Variants in MIA3 observed in about 807,000 individuals in gnomAD.
MIA3 encodes transport and Golgi organization protein 1 homolog.
A neutral mutation model predicts 192.4 loss-of-function variants in MIA3; 90 were observed. The ratio of observed to expected loss-of-function variants is 0.47; its 90% CI spans 0.39 to 0.56. MIA3 has a LOEUF of 0.56. Among genes scored for constraint, MIA3 ranks in the 20% least tolerant of loss-of-function variants. The pLI is 0.00. For missense variants in MIA3, 2,123 were observed against 2,269.4 expected, an observed-to-expected ratio of 0.94 and a Z score of 1.31; for synonymous variants, 740 against 792.8, an observed-to-expected ratio of 0.93 and a Z score of 1.12.
intron 2 of MIA3, among the ~76,000 whole-genome samples, chr1:222,622,554 AAAC>A (rs1485138611): frequency 1.3e-5 from 2 of 152,202 alleles, no homozygotes; most frequent in East Asian, 1.9e-4. Flanking sequence ...TAATCTTGGG[AAAC>A]AACAACTGGT....
At chr1:222,640,472 G>A (rs1662804180) in intron 6 of MIA3, among the ~76,000 whole-genome samples, 1 of 152,144 alleles carries the variant, frequency 6.6e-6, no homozygotes, top group African/African-American at 2.4e-5. Flanking sequence ...ATACATGTAT[G>A]ACAGTGGACT....
At position 222,658,756 on chromosome 1, in the gene MIA3, A is replaced by G. The variant is rs188918854; in HGVS notation, c.4642A>G (p.Arg1548Gly). 143 of 1,612,866 alleles carry G rather than the reference A, an allele frequency of 8.9e-5. 1 individual carries two copies. In the East Asian group the frequency reaches 2.0e-3, roughly 22 times the overall value. ...TCAAGAAGAGTATGAACGGCAAGAA[A>G]GAGAGCACAGGCTGTCAGCTGCAGA... ...LSQEEYERQE[R>G]EHRLSAADEK... The change falls in exon 19 of 28, where the codon AGA becomes GGA. Residue 1548 changes from arginine (R) to glycine (G), a missense_variant. This residue lies in a region of MIA3 where 762 missense variants were observed against 856.4 expected (regional missense o/e 0.89). Coordinates refer to ENST00000344922, the MANE Select transcript of MIA3 (RefSeq NM_198551.4).
chr1:222,644,218 C>T (rs1571886152), intron 6 of MIA3: 4 of 1,146,248 alleles, frequency 3.5e-6, no homozygotes, highest in East Asian at 7.3e-5. Context: ...CCCGTCCCCT[C>T]GATAGTTGGT....
At chr1:222,640,644 A>C (rs1332284615) in intron 6 of MIA3, among the ~76,000 whole-genome samples, 1 of 152,184 alleles carries the variant, frequency 6.6e-6, no homozygotes, top group Admixed American at 6.5e-5. Context: ...AAACCCTAAA[A>C]CCATAAAACT....
intron 8 of MIA3, chr1:222,649,889 A>T (rs751715171): frequency 1.4e-5 from 3 of 212,162 alleles, no homozygotes; most frequent in Non-Finnish European, 2.9e-5. Flanking sequence ...TTTTACTCAC[A>T]GCAGAAGGCA....
rs558240872 is a variant in MIA3 at position 222,635,575 on chromosome 1, C to A, written c.3477+2326C>A. 1.4e-4 allele frequency among the ~76,000 whole-genome samples: 21 copies of A among 152,254 alleles called. No individual in the cohort carries two copies. The East Asian group carries it at 4.0e-3, about 29-fold the overall frequency. On this transcript the variant is annotated intron_variant, in intron 6 of 27. Coordinates refer to ENST00000344922, the MANE Select transcript of MIA3 (RefSeq NM_198551.4). ...GTCTTCAAAAAAAGTTTACCAAATA[C>A]ATGTGAAAATTGGAGAAAGTGGAGA...
intron 11 of MIA3, among the ~76,000 whole-genome samples, chr1:222,651,746 C>G (rs17011681): frequency 0.57 from 86,361 of 151,912 alleles, 27,744 homozygotes; most frequent in Non-Finnish European, 0.72. Context: ...ACATTTTATT[C>G]TAACCAGGAA....
intron 27 of MIA3, chr1:222,664,777 G>A (rs1664193494): frequency 4.1e-6 from 1 of 241,210 alleles, no homozygotes; most frequent in South Asian, 5.0e-5. Context: ...ATACACAGTA[G>A]TTAATGGAAT....
chr1:222,654,350 C>T (rs1368870999), intron 16 of MIA3, 39 bp from the exon 17 acceptor site: 1 of 1,611,130 alleles, frequency 6.2e-7, no homozygotes, highest in Admixed American at 1.7e-5. Context: ...TTTACTATGC[C>T]TCACTTTTAT....
chr1:222,650,326 T>C lies in MIA3; in HGVS notation c.3666T>C (p.Thr1222=). The change falls in exon 9 of 28, where the codon ACT becomes ACC. Residue 1222 remains threonine, a synonymous_variant. Transcript: ENST00000344922. ...AGCAAATTTCTGAGAAGTTGAAGAC[T>C]ATCATGAAAGAAAATACAGAACTTG... ...TEQQISEKLK[T]IMKENTELVQ... 6.2e-7 allele frequency: 1 copy of C among 1,607,586 alleles called. No homozygotes were observed.
At chr1:222,642,715 A>T (rs147933850) in intron 6 of MIA3, among the ~76,000 whole-genome samples, 78 of 152,314 alleles carry the variant, frequency 5.1e-4, no homozygotes, top group Middle Eastern at 3.4e-3. Context: ...TCACCTACAG[A>T]GTGTGTTGTC....
Position 222,629,029 on chromosome 1 carries a change from G to A in MIA3, c.1809G>A (p.Gly603=), listed in dbSNP as rs1226949202. ...TGGAGGGAGACGCTTTGGTAAATGG[G>A]GCCAAACTGCACACGCTTTCAGTGG... The part of the protein sequence containing the change: ...DSVEGDALVN[G]AKLHTLSVEH... The change falls in exon 4 of 28, where the codon GGG becomes GGA. Residue 603 remains glycine (G), a synonymous_variant. Coordinates refer to ENST00000344922, the MANE Select transcript of MIA3 (RefSeq NM_198551.4). 1 of 1,614,122 alleles carries A rather than the reference G, an allele frequency of 6.2e-7. No homozygotes were observed. Among genetic ancestry groups the A allele is most frequent in the South Asian group, 1.1e-5 (1 of 91,084 alleles).
intron 8 of MIA3, 50 bp downstream of exon 8, chr1:222,648,900 G>A (rs753102968): frequency 5.2e-6 from 6 of 1,164,734 alleles, no homozygotes; most frequent in Non-Finnish European, 7.5e-6. Flanking sequence ...CTGTATTGGT[G>A]TTTGATATGG....
intron 1 of MIA3, among the ~76,000 whole-genome samples, chr1:222,620,292 G>A (rs1455437021): frequency 6.6e-6 from 1 of 152,202 alleles, no homozygotes; most frequent in East Asian, 1.9e-4. Context: ...AACTGTGTAT[G>A]TGGTCAACAA....
intron 18 of MIA3, among the ~76,000 whole-genome samples, chr1:222,655,962 CCTTT>C (rs1236705529): frequency 2.8e-5 from 2 of 71,278 alleles, no homozygotes; most frequent in Non-Finnish European, 5.0e-5. Context: ...ACTTTCTTTC[CCTTT>C]TTTTTTTTTT....
At position 222,629,936 on chromosome 1, in the gene MIA3, T is replaced by C. The variant is rs1662318169; in HGVS notation, c.2716T>C (p.Trp906Arg). ...AGAACCTGAAGATGACTCGTTCCAC[T>C]GGACTCCACATACAAGTGTAGAGCC... The part of the protein sequence containing the change: ...AAEPEDDSFH[W>R]TPHTSVEPGH... Residue 906 changes from tryptophan (W) to arginine (R), a missense_variant, in exon 4 of 28, where the codon TGG (tryptophan) becomes CGG (arginine). By Grantham distance (101) the Trp-to-Arg change is moderately radical. Transcript: ENST00000344922. 1 of 1,613,996 alleles carries C rather than the reference T, an allele frequency of 6.2e-7. No individual in the cohort carries two copies. Among genetic ancestry groups the C allele is most frequent in the African/African-American group, 1.3e-5 (1 of 74,940 alleles).
rs189013781 is a variant in MIA3, at chr1:222,629,310, T to C, written c.2090T>C (p.Met697Thr). ...GAAGAGTTTTTTCATCACAAGGCAA[T>C]GCAGGGCACAGAGGTAGGACAGACA... The part of the protein sequence containing the change: ...LDEEFFHHKA[M>T]QGTEVGQTDQ... The change falls in exon 4 of 28, where the codon ATG becomes ACG. Residue 697 changes from methionine to threonine, a missense_variant. Around this residue, in one of 3 missense-constraint regions of MIA3, gnomAD observed 1,357 missense variants for 1,396.1 expected, o/e 0.97. Coordinates refer to ENST00000344922, the MANE Select transcript of MIA3 (RefSeq NM_198551.4). 1,380 of 1,614,144 alleles carry C rather than the reference T, an allele frequency of 8.5e-4. No individual in the cohort carries two copies. Among genetic ancestry groups the C allele is most frequent in the Non-Finnish European group, 1.1e-3 (1,294 of 1,180,024 alleles).
chr1:222,632,306 C>T lies in MIA3; in HGVS notation c.3311C>T (p.Thr1104Ile). 6.2e-7 allele frequency: 1 copy of T among 1,613,868 alleles called. No individual in the cohort carries two copies. The highest frequency in any genetic ancestry group is 8.5e-7 in the Non-Finnish European group (1 of 1,179,914). ...HASEVSQKPN[T>I]EKDLDPGPVT... Reference sequence around the variant, plus strand: ...TCAGAAGTGTCACAGAAGCCAAATACTGAGAAAGACCTGGACCCAGGTAAA... The same window carrying T: ...TCAGAAGTGTCACAGAAGCCAAATATTGAGAAAGACCTGGACCCAGGTAAA... Residue 1104 changes from threonine (T) to isoleucine (I), a missense_variant, in exon 5 of 28, where the codon ACT becomes ATT. This residue lies in a region of MIA3 where 1,357 missense variants were observed against 1,396.1 expected (regional missense o/e 0.97). Transcript: ENST00000344922.
At position 222,629,726 on chromosome 1, in the gene MIA3, A is replaced by T. The variant is rs1185810807; in HGVS notation, c.2506A>T (p.Ile836Phe). 13 of 1,614,094 alleles carry T rather than the reference A, an allele frequency of 8.1e-6. No homozygotes were observed. The highest frequency in any genetic ancestry group is 1.1e-5 in the Non-Finnish European group (13 of 1,180,026). Residue 836 changes from isoleucine to phenylalanine, a missense_variant, in exon 4 of 28, where the codon ATT (isoleucine) becomes TTT (phenylalanine). This residue lies in a region of MIA3 where 1,357 missense variants were observed against 1,396.1 expected (regional missense o/e 0.97). Transcript: ENST00000344922. ...ERSDFSDSIKIQTPELGEVFQ... is the reference protein window; with the variant it reads ...ERSDFSDSIKFQTPELGEVFQ... The stretch of plus-strand genomic sequence containing the variant: ...AAGTGACTTTTCTGACAGCATAAAA[A>T]TTCAGACTCCAGAATTAGGTGAAGT...
Sources: allele counts gnomAD v4.1 joint callset (sites outside exome capture counted in the v4.1 genomes callset), GRCh38; gene constraint gnomAD v4.1.1; regional missense constraint gnomAD v4.1.1; transcripts MANE v1.5; gene names NCBI Gene and HGNC (gene_info 2026-07-23, HGNC 2026-07-21).